Variants in TRPM1 observed in about 807,000 individuals in gnomAD.
The protein encoded by TRPM1 is transient receptor potential cation channel subfamily M member 1, also known as TRPM1-203 APA Isoform, Intron 10.
In TRPM1, 113 loss-of-function variants were observed where a neutral mutation model predicts 149.4. The ratio of observed to expected loss-of-function variants is 0.76; its 90% CI spans 0.65 to 0.88. The LOEUF is 0.88. TRPM1 is among the 40% of genes least tolerant of loss of function. The pLI, the probability that TRPM1 is intolerant of heterozygous loss-of-function variation, is 0.00. For missense variants in TRPM1, 1,976 were observed against 2,038.7 expected (o/e 0.97, Z 0.59); for synonymous variants, 741 against 759.5 (o/e 0.98, Z 0.40).
At chr15:31,105,910 C>T (rs1215245307), upstream of TRPM1, among the ~76,000 whole-genome samples, 1 of 152,200 alleles carries the variant, frequency 6.6e-6, no homozygotes, top group African/African-American at 2.4e-5. Context: ...AACAATAGCA[C>T]TAACACTAAA....
chr15:31,036,224 G>T (rs2033362795), intron 20 of TRPM1, among the ~76,000 whole-genome samples: 1 of 152,164 alleles, frequency 6.6e-6, no homozygotes. Flanking sequence ...GGCAGGGAAA[G>T]AGGCAGAGCT....
chr15:31,060,215 C>T (rs1180234259), intron 11 of TRPM1: 1 of 402,962 alleles, frequency 2.5e-6, no homozygotes, highest in Admixed American at 3.7e-5. Context: ...AAAATCATTG[C>T]CCTGGATGGA....
At chr15:31,058,108 TG>T (rs1334756850) in intron 11 of TRPM1, among the ~76,000 whole-genome samples, 1 of 151,850 alleles carries the variant, frequency 6.6e-6, no homozygotes, top group African/African-American at 2.4e-5. Flanking sequence ...ACATTAGCAG[TG>T]GCAAGTGTAC....
chr15:31,146,159 A>C (rs1363793808), intron 1 of TRPM1, among the ~76,000 whole-genome samples: 1 of 152,148 alleles, frequency 6.6e-6, no homozygotes, highest in Non-Finnish European at 1.5e-5. Flanking sequence ...AAAAAGTTTT[A>C]AATGTTTGCA....
chr15:31,010,898 G>C (rs767255661), intron 27 of TRPM1, among the ~76,000 whole-genome samples: 13 of 152,272 alleles, frequency 8.5e-5, no homozygotes, highest in Middle Eastern at 3.4e-3. Context: ...AGAACTATCT[G>C]CTTCTCCCTT....
rs752121713 is a variant in TRPM1, at chr15:31,002,215, T to A, written c.4485A>T (p.Gln1495His). 1.2e-6 allele frequency: 2 copies of A among 1,614,274 alleles called. No homozygotes were observed. The highest frequency in any genetic ancestry group is 1.7e-6 in the Non-Finnish European group (2 of 1,180,050). The change falls in exon 28 of 28, where the codon CAA (glutamine) becomes CAT (histidine). Residue 1495 changes from glutamine (Q) to histidine (H), a missense_variant. Physicochemically the swap from Gln to His is conservative, Grantham distance 24. This residue lies in a region of TRPM1 where 572 missense variants were observed against 578.9 expected (regional missense o/e 0.99). Transcript: ENST00000256552. ...DQQLTTEWQC[Q>H]VQKITRSHST... ...TATGAGAGCGCGTGATCTTTTGAACTTGGCATTGCCATTCCGTCGTCAATT... is the reference window on the plus strand; with the variant it reads ...TATGAGAGCGCGTGATCTTTTGAACATGGCATTGCCATTCCGTCGTCAATT...
intron 19 of TRPM1, 53 bp downstream of exon 19, chr15:31,037,991 A>ATT: frequency 6.2e-7 from 1 of 1,613,698 alleles, no homozygotes; most frequent in African/African-American, 1.3e-5. Flanking sequence ...AAATCTCAAC[A>ATT]ATTTTGAAAA....
At chr15:31,119,243 A>AAAATAAATAAATAAAT (rs71110839) in intron 1 of TRPM1, among the ~76,000 whole-genome samples, 121 of 148,260 alleles carry the variant, frequency 8.2e-4, no homozygotes, top group East Asian at 3.4e-3. Context: ...CTCCATCTCA[A>AAAATAAATAAATAAAT]AAATAAATAA....
At chr15:31,051,630 C>T (rs1379663314) in intron 11 of TRPM1, among the ~76,000 whole-genome samples, 2 of 152,210 alleles carry the variant, frequency 1.3e-5, no homozygotes, top group Non-Finnish European at 2.9e-5. Flanking sequence ...TGTCAAGGTT[C>T]CTCTGGGCTC....
chr15:31,049,349 T>A, intron 13 of TRPM1, 26 bp downstream of exon 13: 1 of 1,614,148 alleles, frequency 6.2e-7, no homozygotes, highest in Non-Finnish European at 8.5e-7. Flanking sequence ...GCCTCCCGCT[T>A]CCTTCCCTTT....
At chr15:31,046,853 C>G (rs996608551) in intron 15 of TRPM1, among the ~76,000 whole-genome samples, 2 of 152,120 alleles carry the variant, frequency 1.3e-5, no homozygotes, top group African/African-American at 4.8e-5. Context: ...AGCAGGCAGA[C>G]AGTAGCCCCG....
At chr15:31,044,836 TGAG>T (rs530442109) in intron 16 of TRPM1, among the ~76,000 whole-genome samples, 2 of 146,876 alleles carry the variant, frequency 1.4e-5, no homozygotes, top group South Asian at 4.4e-4. Flanking sequence ...CTGAAGATAC[TGAG>T]GAGACTGAAA....
Position 31,113,891 on chromosome 15 carries a change from C to T in TRPM1, c.55-36907G>A, listed in dbSNP as rs145522930. Among the ~76,000 whole-genome samples, 419 of 152,304 alleles carry T rather than the reference C, an allele frequency of 2.8e-3. 2 individuals carry two copies. The highest frequency in any genetic ancestry group is 9.7e-3 in the African/African-American group (405 of 41,544). ...AAGGGTACCGAGCAAATTGACTTTG[C>T]TGGCTAACGGGTGGGCAGCTTTTAT... On this transcript the variant is annotated intron_variant, in intron 1 of 26. Coordinates refer to the TRPM1 transcript ENST00000542188.
rs147296434 is a variant in TRPM1 at position 31,113,648 on chromosome 15, A to C, written c.55-36664T>G. Among the ~76,000 whole-genome samples the C allele has an allele frequency of 4.7e-3, 713 of 152,272 alleles. 2 individuals are homozygous for C. Among genetic ancestry groups the C allele is most frequent in the Non-Finnish European group, 6.7e-3 (458 of 68,020 alleles). On this transcript the variant is annotated intron_variant, in intron 1 of 26. Coordinates refer to the TRPM1 transcript ENST00000542188. ...CTTTACTGTACAAATTATTTTATCA[A>C]CTAGTTTTTTGCCCTCCATCACCCA...
chr15:31,101,935 C>T (rs1287538948), upstream of TRPM1, among the ~76,000 whole-genome samples: 1 of 152,234 alleles, frequency 6.6e-6, no homozygotes, highest in East Asian at 1.9e-4. Context: ...GGTAGGGGAG[C>T]TAGAGCTTTT....
At position 31,088,844 on chromosome 15, in the gene TRPM1, G is replaced by T. The variant is rs149179319; in HGVS notation, c.-83-7406C>A. ...GGAGGCCTTTGTACCGGGGCGATGC[G>T]ATAAGCCCTGCTGCGGGTATTGACA... On this transcript the variant is annotated intron_variant, in intron 1 of 27. Transcript: ENST00000256552. Among the ~76,000 whole-genome samples, 1,057 of 146,014 alleles carry T rather than the reference G, an allele frequency of 7.2e-3. 4 individuals are homozygous for T. The highest frequency in any genetic ancestry group is 0.011 in the Non-Finnish European group (703 of 66,594).
At chr15:31,096,751 C>T (rs2035394411) in intron 1 of TRPM1, among the ~76,000 whole-genome samples, 1 of 152,224 alleles carries the variant, frequency 6.6e-6, no homozygotes, top group Non-Finnish European at 1.5e-5. Flanking sequence ...CTTTGCTACC[C>T]ATCCAGGTCC....
chr15:31,044,170 A>G (rs1400153310), intron 16 of TRPM1, among the ~76,000 whole-genome samples: 1 of 152,326 alleles, frequency 6.6e-6, no homozygotes, highest in East Asian at 1.9e-4. Context: ...CTTAGAAAAA[A>G]CGACAATGAA....
At chr15:31,020,483 GA>G (rs2032517473) in intron 27 of TRPM1, among the ~76,000 whole-genome samples, 1 of 152,210 alleles carries the variant, frequency 6.6e-6, no homozygotes, top group Non-Finnish European at 1.5e-5. Flanking sequence ...AAGGTCATGG[GA>G]ACCACACTGA....
Sources: gnomAD v4.1 joint callset for allele counts (sites outside exome capture counted in the v4.1 genomes callset) on GRCh38, gnomAD v4.1.1 for gene constraint, gnomAD v4.1.1 regional missense constraint, MANE v1.5 for transcripts, NCBI Gene and HGNC (gene_info 2026-07-23, HGNC 2026-07-21) for gene names.